Variants in KIAA1328 observed in about 807,000 individuals in gnomAD.
KIAA1328 encodes protein hinderin.
In KIAA1328, 52 loss-of-function variants were observed where a neutral mutation model predicts 68.1. That is an observed-to-expected ratio of 0.76 (90% confidence interval 0.61 to 0.96). The LOEUF is 0.96. KIAA1328 is among the 40% of genes least tolerant of loss of function. The probability of loss-of-function intolerance (pLI) is 0.00; values close to 1 mark genes in which losing one functional copy is unlikely to be tolerated. For synonymous variants in KIAA1328, 232 were observed against 239.4 expected (o/e 0.97, Z 0.28); for missense variants, 641 against 677.6 (o/e 0.95, Z 0.60).
intron 9 of KIAA1328, among the ~76,000 whole-genome samples, chr18:37,188,618 G>A (rs2154216964): frequency 6.6e-6 from 1 of 152,282 alleles, no homozygotes; most frequent in Non-Finnish European, 1.5e-5. Context: ...CTGCTTCAGC[G>A]CTGCTAGAGC....
intron 6 of KIAA1328, among the ~76,000 whole-genome samples, chr18:37,002,901 G>A (rs1198300250): frequency 6.6e-5 from 10 of 151,958 alleles, no homozygotes. Context: ...AGCAAAAAGA[G>A]CAAAGAGGTG....
At chr18:37,146,418 ATCT>A (rs1421076556) in intron 7 of KIAA1328, among the ~76,000 whole-genome samples, 2 of 152,206 alleles carry the variant, frequency 1.3e-5, no homozygotes, top group Admixed American at 6.5e-5. Flanking sequence ...AAAAGACATG[ATCT>A]TCTTCTTTTT....
chr18:37,080,844 G>C (rs757775987), intron 7 of KIAA1328, among the ~76,000 whole-genome samples: 1 of 151,506 alleles, frequency 6.6e-6, no homozygotes, highest in African/African-American at 2.4e-5. Flanking sequence ...CATCCCAGTC[G>C]TAGTTCTGCC....
intron 7 of KIAA1328, among the ~76,000 whole-genome samples, chr18:37,138,156 T>C (rs1180354543): frequency 2.6e-5 from 4 of 152,240 alleles, no homozygotes; most frequent in Non-Finnish European, 5.9e-5. Flanking sequence ...GTAGTGTATA[T>C]GTGCTGAGCA....
intron 7 of KIAA1328, among the ~76,000 whole-genome samples, chr18:37,158,307 G>A (rs567713722): frequency 1.3e-5 from 2 of 152,236 alleles, no homozygotes; most frequent in African/African-American, 4.8e-5. Context: ...TTGAAAGAGG[G>A]ATGCATTTTC....
chr18:36,946,858 A>G (rs941534349), intron 5 of KIAA1328, among the ~76,000 whole-genome samples: 7 of 152,158 alleles, frequency 4.6e-5, no homozygotes, highest in South Asian at 4.1e-4. Context: ...TTAAAAGAGA[A>G]CTCTGATGAA....
intron 7 of KIAA1328, among the ~76,000 whole-genome samples, chr18:37,092,547 C>T (rs1018858143): frequency 6.6e-6 from 1 of 152,012 alleles, no homozygotes; most frequent in Admixed American, 6.6e-5. Context: ...GAGGATAGGG[C>T]TCTCTTTGCC....
chr18:36,847,041 T>A (rs1420696300), intron 4 of KIAA1328, among the ~76,000 whole-genome samples: 1 of 151,666 alleles, frequency 6.6e-6, no homozygotes, highest in Non-Finnish European at 1.5e-5. Flanking sequence ...ATTTGACCTC[T>A]GTATCTGGCT....
intron 4 of KIAA1328, among the ~76,000 whole-genome samples, chr18:36,852,676 C>A (rs1372315946): frequency 6.6e-6 from 1 of 152,128 alleles, no homozygotes; most frequent in African/African-American, 2.4e-5. Flanking sequence ...CCCCTGGACC[C>A]TTCTTTAAAA....
At chr18:37,103,669 A>G (rs536061677) in intron 7 of KIAA1328, among the ~76,000 whole-genome samples, 2 of 152,310 alleles carry the variant, frequency 1.3e-5, no homozygotes, top group East Asian at 3.9e-4. Flanking sequence ...GTATTAAACT[A>G]AAAGTTTCTG....
chr18:37,116,292 G>A (rs1252513597), intron 7 of KIAA1328, among the ~76,000 whole-genome samples: 1 of 152,154 alleles, frequency 6.6e-6, no homozygotes, highest in Non-Finnish European at 1.5e-5. Flanking sequence ...AAAACAGCAT[G>A]GTACTGGTTC....
At chr18:37,106,300 T>C (rs943668697) in intron 7 of KIAA1328, among the ~76,000 whole-genome samples, 10 of 152,140 alleles carry the variant, frequency 6.6e-5, no homozygotes, top group African/African-American at 1.4e-4. Flanking sequence ...AGGAAGTATA[T>C]TAGTGATTGC....
At chr18:36,884,299 C>G (rs1009911526) in intron 4 of KIAA1328, among the ~76,000 whole-genome samples, 1 of 151,938 alleles carries the variant, frequency 6.6e-6, no homozygotes, top group East Asian at 1.9e-4. Flanking sequence ...TGAGATTACC[C>G]TCTTTGAAAG....
At chr18:37,160,518 C>T (rs1568481232) in intron 8 of KIAA1328, 137 bp downstream of exon 8, 2 of 658,338 alleles carry the variant, frequency 3.0e-6, no homozygotes, top group African/African-American at 1.8e-5. Flanking sequence ...TGCAAGGCCA[C>T]AGGTAACACA....
chr18:37,124,371 A>G (rs567991392), intron 7 of KIAA1328, among the ~76,000 whole-genome samples: 108 of 151,638 alleles, frequency 7.1e-4, no homozygotes, highest in African/African-American at 2.6e-3. Flanking sequence ...TGTTGACTCT[A>G]TTTCCAAAAT....
intron 1 of KIAA1328, among the ~76,000 whole-genome samples, chr18:36,832,032 A>G (rs1345841428): frequency 6.6e-6 from 1 of 152,216 alleles, no homozygotes; most frequent in African/African-American, 2.4e-5. Flanking sequence ...AATAATCTAG[A>G]AATGACCCAC....
At chr18:37,024,178 G>C (rs1299968262) in intron 6 of KIAA1328, among the ~76,000 whole-genome samples, 1 of 151,762 alleles carries the variant, frequency 6.6e-6, no homozygotes, top group Non-Finnish European at 1.5e-5. Context: ...ATTTTTTGTG[G>C]AGATGGGGTA....
At chr18:37,154,807 G>A (rs182965966) in intron 7 of KIAA1328, among the ~76,000 whole-genome samples, 1 of 152,234 alleles carries the variant, frequency 6.6e-6, no homozygotes, top group African/African-American at 2.4e-5. Context: ...TGTTGTTGCT[G>A]TTTTATTTTC....
At chr18:37,107,878 AC>A (rs540533196) in intron 7 of KIAA1328, among the ~76,000 whole-genome samples, 20,448 of 151,546 alleles carry the variant, frequency 0.13, 1,679 homozygotes, top group Admixed American at 0.18. Flanking sequence ...AAAAAAAAAA[AC>A]AGATGCTGGC....
Sources: gnomAD v4.1 joint callset for allele counts (sites outside exome capture counted in the v4.1 genomes callset) on GRCh38, gnomAD v4.1.1 for gene constraint, MANE v1.5 for transcripts, NCBI Gene and HGNC (gene_info 2026-07-23, HGNC 2026-07-21) for gene names.